AKAP13: variants seen among roughly 807,000 people sequenced by gnomAD.
AKAP13 encodes A-kinase anchoring protein 13.
In AKAP13, 80 loss-of-function variants were observed where a neutral mutation model predicts 264.5. The ratio of observed to expected loss-of-function variants is 0.30; its 90% CI spans 0.25 to 0.36. The LOEUF (loss-of-function observed/expected upper bound fraction) is 0.36, where lower values mean the gene tolerates loss of function less well. Ranked by LOEUF, AKAP13 falls within the 10% of genes least tolerant of loss-of-function variation. The pLI is 1.00. For missense variants in AKAP13, 3,712 were observed against 3,435.2 expected, an observed-to-expected ratio of 1.08 and a Z score of -2.01; for synonymous variants, 1,380 against 1,250.2, an observed-to-expected ratio of 1.10 and a Z score of -2.19.
intron 10 of AKAP13, among the ~76,000 whole-genome samples, chr15:85,648,016 T>A (rs1383557390): frequency 1.5e-5 from 2 of 132,844 alleles, no homozygotes; most frequent in Non-Finnish European, 3.2e-5. Context: ...AATAGTTTTA[T>A]GTTATTTTAT....
intron 5 of AKAP13, among the ~76,000 whole-genome samples, chr15:85,553,600 C>T (rs1405082433): frequency 3.3e-5 from 5 of 151,958 alleles, no homozygotes; most frequent in Non-Finnish European, 7.4e-5. Context: ...CCATTTTATT[C>T]TTATAGTACA....
intron 2 of AKAP13, among the ~76,000 whole-genome samples, chr15:85,498,431 AACTT>A (rs1382404907): frequency 6.6e-6 from 1 of 152,102 alleles, no homozygotes; most frequent in Non-Finnish European, 1.5e-5. Context: ...CTTGTAAGGT[AACTT>A]ACTTTATCTC....
At chr15:85,382,062 C>T (rs1285853575) in intron 1 of AKAP13, 3 of 152,146 alleles carry the variant, frequency 2.0e-5, no homozygotes, top group Admixed American at 2.0e-4. Flanking sequence ...AGTTTGGGTG[C>T]ACATATTACA....
intron 5 of AKAP13, among the ~76,000 whole-genome samples, chr15:85,570,763 G>C (rs1428504909): frequency 2.0e-5 from 3 of 152,110 alleles, no homozygotes; most frequent in Admixed American, 2.0e-4. Context: ...AGAACTGATC[G>C]ACAGGGTTGA....
chr15:85,725,352 T>A (rs2087552261), intron 26 of AKAP13, among the ~76,000 whole-genome samples: 1 of 150,930 alleles, frequency 6.6e-6, no homozygotes, highest in Non-Finnish European at 1.5e-5. Flanking sequence ...CAAGATTCAA[T>A]GAAGTTAAAA....
In AKAP13 at chr15:85,483,454, G is replaced by A. The variant is rs569271577; in HGVS notation, c.-11-2256G>A. On this transcript the variant is annotated intron_variant, in intron 1 of 36. Transcript: ENST00000394518. ...ATCCTGGCTAACAAGGTGAAACCCCGTCTCTACTAAATATACAAAAAATTA... is the reference window on the plus strand; with the variant it reads ...ATCCTGGCTAACAAGGTGAAACCCCATCTCTACTAAATATACAAAAAATTA... Among the ~76,000 whole-genome samples the A allele has an allele frequency of 4.0e-5, 6 of 151,814 alleles. No individual in the cohort carries two copies. In the South Asian group the frequency reaches 6.2e-4, roughly 16 times the overall value.
At chr15:85,538,590 T>C (rs34781927) in intron 4 of AKAP13, among the ~76,000 whole-genome samples, 74,472 of 147,046 alleles carry the variant, frequency 0.51, 18,979 homozygotes, top group Middle Eastern at 0.62. Context: ...CCCAGGTTCA[T>C]GCCATTCTCC....
intron 8 of AKAP13, among the ~76,000 whole-genome samples, chr15:85,638,654 A>T (rs1028964717): frequency 2.0e-5 from 3 of 152,134 alleles, no homozygotes; most frequent in South Asian, 2.1e-4. Flanking sequence ...CAATATTTAA[A>T]TTTTTTTTAA....
chr15:85,590,659 G>A (rs2079545701), intron 8 of AKAP13, among the ~76,000 whole-genome samples: 1 of 152,030 alleles, frequency 6.6e-6, no homozygotes, highest in Admixed American at 6.5e-5. Flanking sequence ...CAATTTTTGA[G>A]GCAAAGTTAT....
rs185432886 is a variant in AKAP13, at chr15:85,547,679, G to T, written c.662+3724G>T. Among the ~76,000 whole-genome samples the T allele has an allele frequency of 2.6e-5, 4 of 152,192 alleles. No individual in the cohort carries two copies. In the East Asian group the frequency reaches 5.8e-4, roughly 22 times the overall value. ...TATTTAGATCTTACATTATGAATAT[G>T]AATGCATTTGTGATCTGAAAATTCA... On this transcript the variant is annotated intron_variant, in intron 5 of 36. Coordinates refer to ENST00000394518, the MANE Select transcript of AKAP13 (RefSeq NM_007200.5).
chr15:85,747,708 TAA>T lies in AKAP13; in HGVS notation c.*3035_*3036del, dbSNP rs1486029618. 1 of 152,660 alleles carries T rather than the reference TAA, an allele frequency of 6.6e-6. No individual in the cohort carries two copies. The highest frequency in any genetic ancestry group is 1.9e-4 in the East Asian group (1 of 5,202). 9.5% of individuals were successfully genotyped at this position (152,660 alleles called of 1,614,324 possible). A position where few individuals can be genotyped will look rare whatever the true frequency, so the allele number is the denominator to read the frequency against. On this transcript the variant is annotated 3_prime_UTR_variant, in exon 37 of 37. Transcript: ENST00000394518. ...TTTCTTCTTAGAAAATGGAGAGGGTTAAAAACATGCAAACTGCCACTTTCAAC... is the reference window on the plus strand; with the variant it reads ...TTTCTTCTTAGAAAATGGAGAGGGTTAAACATGCAAACTGCCACTTTCAAC...
chr15:85,524,852 C>T (rs1294038529), intron 3 of AKAP13, among the ~76,000 whole-genome samples: 4 of 148,058 alleles, frequency 2.7e-5, no homozygotes, highest in African/African-American at 1.0e-4. Flanking sequence ...TCCCTCCCTC[C>T]TGCCCCCTCT....
At chr15:85,442,519 T>A (rs1395207451) in intron 1 of AKAP13, among the ~76,000 whole-genome samples, 2 of 109,336 alleles carry the variant, frequency 1.8e-5, no homozygotes, top group Non-Finnish European at 3.8e-5. Context: ...ATAATATATA[T>A]TATATTATAT....
chr15:85,689,522 C>A (rs572563759), intron 16 of AKAP13, among the ~76,000 whole-genome samples: 247 of 152,288 alleles, frequency 1.6e-3, no homozygotes, highest in Non-Finnish European at 2.6e-3. Context: ...GCCTGTTTCT[C>A]CAGCACACAG....
intron 1 of AKAP13, among the ~76,000 whole-genome samples, chr15:85,413,692 G>A (rs915298054): frequency 2.0e-5 from 3 of 152,154 alleles, no homozygotes; most frequent in African/African-American, 4.8e-5. Flanking sequence ...AGCTCCGGAC[G>A]GTGAGATCGC....
intron 1 of AKAP13, among the ~76,000 whole-genome samples, chr15:85,471,537 G>T (rs1252898132): frequency 1.3e-5 from 2 of 152,056 alleles, no homozygotes; most frequent in Non-Finnish European, 2.9e-5. Context: ...CTTTATTTAG[G>T]GTATAATTTA....
At chr15:85,611,961 G>A (rs965006301) in intron 8 of AKAP13, among the ~76,000 whole-genome samples, 1 of 152,126 alleles carries the variant, frequency 6.6e-6, no homozygotes, top group African/African-American at 2.4e-5. Flanking sequence ...TACTGTAAGG[G>A]CCAGTCTCAA....
intron 1 of AKAP13, among the ~76,000 whole-genome samples, chr15:85,480,142 A>T (rs1344537844): frequency 6.6e-6 from 1 of 152,222 alleles, no homozygotes; most frequent in African/African-American, 2.4e-5. Flanking sequence ...TAATCTCCAG[A>T]GATATGTACA....
chr15:85,553,828 C>T (rs1158032063), intron 5 of AKAP13, among the ~76,000 whole-genome samples: 2 of 152,170 alleles, frequency 1.3e-5, no homozygotes, highest in African/African-American at 2.4e-5. Context: ...ACATTAGATT[C>T]TCATAGGAGT....
Sources: gnomAD v4.1 joint callset for allele counts (sites outside exome capture counted in the v4.1 genomes callset) on GRCh38, gnomAD v4.1.1 for gene constraint, MANE v1.5 for transcripts, NCBI Gene and HGNC (gene_info 2026-07-23, HGNC 2026-07-21) for gene names.